The following SPTSSA variants were observed in gnomAD, a reference collection of about 807,000 sequenced individuals.
SPTSSA encodes small subunit of serine palmitoyltransferase A.
A neutral mutation model predicts 9.1 loss-of-function variants in SPTSSA; 8 were observed. The observed-to-expected ratio is 0.88, with a 90% CI of 0.51 to 1.58. The LOEUF (loss-of-function observed/expected upper bound fraction) is 1.58. Among genes scored for constraint, SPTSSA ranks in the 40% most tolerant of loss-of-function variants. The pLI is 0.00. For missense variants in SPTSSA, 100 were observed against 93.8 expected, an observed-to-expected ratio of 1.07 and a Z score of -0.27; for synonymous variants, 42 against 37.7, an observed-to-expected ratio of 1.11 and a Z score of -0.41.
Position 34,434,389 on chromosome 14 carries a change from T to C in SPTSSA, c.*812A>G, listed in dbSNP as rs1391932636. ...AATCATTAAACTAAATTTAAGGAAG[T>C]ACATTGTTAATAGTGACCCTCGGAG... On this transcript the variant is annotated 3_prime_UTR_variant, in exon 2 of 2. Transcript: ENST00000298130. 6.6e-6 allele frequency: 1 copy of C among 152,670 alleles called. No individual in the cohort carries two copies. The highest frequency in any genetic ancestry group is 1.5e-5 in the Non-Finnish European group (1 of 68,040). The allele number at this position is 152,670 out of a possible 1,614,324, so 9.5% of individuals were successfully genotyped here. A position where few individuals can be genotyped will look rare whatever the true frequency, so the allele number is the denominator to read the frequency against.
At chr14:34,439,242 C>G (rs2383633) in intron 1 of SPTSSA, among the ~76,000 whole-genome samples, 37,655 of 151,984 alleles carry the variant, frequency 0.25, 6,972 homozygotes, top group African/African-American at 0.53. Context: ...ATCCACCTAA[C>G]CAAGAAGGCT....
intron 1 of SPTSSA, among the ~76,000 whole-genome samples, chr14:34,441,969 G>T (rs554781611): frequency 1.4e-4 from 21 of 151,992 alleles, no homozygotes; most frequent in African/African-American, 4.1e-4. Context: ...TCCGCCTCCC[G>T]GGTTCAAGCA....
intron 1 of SPTSSA, among the ~76,000 whole-genome samples, chr14:34,449,018 T>A (rs531069154): frequency 2.6e-4 from 39 of 152,068 alleles, no homozygotes; most frequent in Non-Finnish European, 4.0e-4. Context: ...AAAAGTTTTT[T>A]AAAAAATAAT....
Position 34,434,216 on chromosome 14 carries a change from T to G in SPTSSA, c.*985A>C, listed in dbSNP as rs1278434372. ...TTTACATCAAAAAATTAGGTAGTCA[T>G]TTTACATTTAAGGAATAAAAACCTT... On this transcript the variant is annotated 3_prime_UTR_variant, in exon 2 of 2. Coordinates refer to ENST00000298130, the MANE Select transcript of SPTSSA (RefSeq NM_138288.4). 6.6e-6 allele frequency: 1 copy of G among 152,470 alleles called. No individual in the cohort carries two copies. The highest frequency in any genetic ancestry group is 1.5e-5 in the Non-Finnish European group (1 of 68,036). 9.4% of individuals were successfully genotyped at this position (152,470 alleles called of 1,614,324 possible). A position where few individuals can be genotyped will look rare whatever the true frequency, so the allele number is the denominator to read the frequency against.
rs1341036728 is a variant in SPTSSA at position 34,434,467 on chromosome 14, TA to T, written c.*733del. On this transcript the variant is annotated 3_prime_UTR_variant, in exon 2 of 2. Coordinates refer to ENST00000298130, the MANE Select transcript of SPTSSA (RefSeq NM_138288.4). Reference sequence around the variant, plus strand: ...TCTATGGTATATAAGCATTACATAATAATGCTACTTAACCACCTTTTGTCTC... The same window carrying T: ...TCTATGGTATATAAGCATTACATAATATGCTACTTAACCACCTTTTGTCTC... 6.6e-6 allele frequency: 1 copy of T among 152,656 alleles called. No individual in the cohort carries two copies. Among genetic ancestry groups the T allele is most frequent in the African/African-American group, 2.4e-5 (1 of 41,470 alleles). The allele number at this position is 152,656 out of a possible 1,614,324, so 9.5% of individuals were successfully genotyped here.
rs568304836 is a variant in SPTSSA, at chr14:34,434,908, C to T, written c.*293G>A. The T allele has an allele frequency of 2.3e-4, 45 of 194,428 alleles. No individual in the cohort carries two copies. Among genetic ancestry groups the T allele is most frequent in the African/African-American group, 4.0e-4 (17 of 43,002 alleles). The allele number at this position is 194,428 out of a possible 1,614,324, so 12.0% of individuals were successfully genotyped here. Reference sequence around the variant, plus strand: ...AAAGTTACATTAAGAAAAGCTTTCACGGGGGTAATATTGAAACAGTCACAA... The same window carrying T: ...AAAGTTACATTAAGAAAAGCTTTCATGGGGGTAATATTGAAACAGTCACAA... On this transcript the variant is annotated 3_prime_UTR_variant, in exon 2 of 2. Transcript: ENST00000298130.
intron 1 of SPTSSA, among the ~76,000 whole-genome samples, chr14:34,448,080 T>C (rs143180441): frequency 0.011 from 1,655 of 151,866 alleles, 33 homozygotes; most frequent in African/African-American, 0.038. Context: ...CATGGTGAAA[T>C]CCCATCTCTA....
chr14:34,434,983 T>TA lies in SPTSSA; in HGVS notation c.*217dup, dbSNP rs1421953182. On this transcript the variant is annotated 3_prime_UTR_variant, in exon 2 of 2. Coordinates refer to ENST00000298130, the MANE Select transcript of SPTSSA (RefSeq NM_138288.4). ...AGTACAAATGACTACAATGTTAAAA[T>TA]AGACAAAAACTGCTATACAAGAGCC... 7.6e-5 allele frequency: 26 copies of TA among 342,126 alleles called. No homozygotes were observed. In the Admixed American group the frequency reaches 8.7e-4, roughly 11 times the overall value. The allele number at this position is 342,126 out of a possible 1,614,324, so 21.2% of individuals were successfully genotyped here.
Position 34,443,199 on chromosome 14 carries a change from GTGTGT to G in SPTSSA, c.113-7900_113-7896del, listed in dbSNP as rs1207271710. Among the ~76,000 whole-genome samples, 54 of 11,680 alleles carry G rather than the reference GTGTGT, an allele frequency of 4.6e-3. 2 individuals are homozygous for G. The African/African-American group carries it at 0.056, about 12-fold the overall frequency. 7.7% of individuals were successfully genotyped at this position (11,680 alleles called of 152,430 possible). A position where few individuals can be genotyped will look rare whatever the true frequency, so the allele number is the denominator to read the frequency against. On this transcript the variant is annotated intron_variant, in intron 1 of 1. Transcript: ENST00000298130. ...TTGAGATTGAGTTTTCCTCTAGGGG[GTGTGT>G]GTGTGTGTGTGTGTGTGTGTGTGTG... is the stretch of plus-strand genomic sequence containing the variant.
chr14:34,459,049 G>A (rs1008696799), intron 1 of SPTSSA, among the ~76,000 whole-genome samples: 8 of 151,742 alleles, frequency 5.3e-5, no homozygotes, highest in South Asian at 2.1e-4. Context: ...GATTTCAGGC[G>A]TCCACCACCA....
chr14:34,462,090 G>T lies in SPTSSA; in HGVS notation c.112+6C>A. ...GGCCCCCGCGCGCGCGGCCGGGACA[G>T]GATACTGAACACCGTCCGCTCCCAG... is the stretch of plus-strand genomic sequence containing the variant. On this transcript the variant is annotated splice_donor_region_variant and intron_variant, in intron 1 of 1. Coordinates refer to ENST00000298130, the MANE Select transcript of SPTSSA (RefSeq NM_138288.4). 6.7e-7 allele frequency: 1 copy of T among 1,486,154 alleles called. No individual in the cohort carries two copies. Among genetic ancestry groups the T allele is most frequent in the Non-Finnish European group, 9.0e-7 (1 of 1,109,426 alleles). 92.1% of individuals were successfully genotyped at this position (1,486,154 alleles called of 1,614,324 possible). A position where few individuals can be genotyped will look rare whatever the true frequency, so the allele number is the denominator to read the frequency against.
At chr14:34,458,637 C>T (rs1306438849) in intron 1 of SPTSSA, among the ~76,000 whole-genome samples, 2 of 142,808 alleles carry the variant, frequency 1.4e-5, no homozygotes, top group Non-Finnish European at 3.0e-5. Context: ...GCTGGGACTA[C>T]AGTCGTGCGC....
At chr14:34,436,759 C>T (rs1455197913) in intron 1 of SPTSSA, among the ~76,000 whole-genome samples, 2 of 152,138 alleles carry the variant, frequency 1.3e-5, no homozygotes, top group Non-Finnish European at 2.9e-5. Flanking sequence ...ATACAGGAAG[C>T]TGTCTTTAGA....
Position 34,435,104 on chromosome 14 carries a change from G to A in SPTSSA, c.*97C>T, listed in dbSNP as rs1020063082. Reference sequence around the variant, plus strand: ...TAGTCTTTATAAGGTTGGTTATGTTGACATCTAGAAGAGTTTCTTATCACA... The same window carrying A: ...TAGTCTTTATAAGGTTGGTTATGTTAACATCTAGAAGAGTTTCTTATCACA... On this transcript the variant is annotated 3_prime_UTR_variant, in exon 2 of 2. Coordinates refer to ENST00000298130, the MANE Select transcript of SPTSSA (RefSeq NM_138288.4). 10 of 826,534 alleles carry A rather than the reference G, an allele frequency of 1.2e-5. No homozygotes were observed. Among genetic ancestry groups the A allele is most frequent in the African/African-American group, 3.4e-5 (2 of 58,396 alleles). The allele number at this position is 826,534 out of a possible 1,614,324, so 51.2% of individuals were successfully genotyped here.
intron 1 of SPTSSA, among the ~76,000 whole-genome samples, chr14:34,456,777 T>C (rs1281227168): frequency 6.6e-6 from 1 of 151,008 alleles, no homozygotes; most frequent in Non-Finnish European, 1.5e-5. Flanking sequence ...CACACACCTG[T>C]AGTCCCAGCT....
intron 1 of SPTSSA, among the ~76,000 whole-genome samples, chr14:34,446,708 A>C (rs1165043995): frequency 1.3e-5 from 2 of 152,218 alleles, no homozygotes; most frequent in Non-Finnish European, 2.9e-5. Context: ...AAAGTGAAAG[A>C]AGCAATGATT....
Position 34,434,959 on chromosome 14 carries a change from G to C in SPTSSA, c.*242C>G. 1 of 287,520 alleles carries C rather than the reference G, an allele frequency of 3.5e-6. No individual in the cohort carries two copies. The highest frequency in any genetic ancestry group is 6.5e-6 in the Non-Finnish European group (1 of 154,896). The allele number at this position is 287,520 out of a possible 1,614,324, so 17.8% of individuals were successfully genotyped here. A position where few individuals can be genotyped will look rare whatever the true frequency, so the allele number is the denominator to read the frequency against. On this transcript the variant is annotated 3_prime_UTR_variant, in exon 2 of 2. Coordinates refer to ENST00000298130, the MANE Select transcript of SPTSSA (RefSeq NM_138288.4). ...AGGTTAAGAAAATACTGATATCAAAGTACAAATGACTACAATGTTAAAATA... is the reference window on the plus strand; with the variant it reads ...AGGTTAAGAAAATACTGATATCAAACTACAAATGACTACAATGTTAAAATA...
At chr14:34,451,616 C>T (rs372282497) in intron 1 of SPTSSA, among the ~76,000 whole-genome samples, 2 of 150,270 alleles carry the variant, frequency 1.3e-5, no homozygotes, top group African/African-American at 4.9e-5. Flanking sequence ...CCAGCTACTC[C>T]GGAGGCTGAG....
chr14:34,438,174 A>G (rs1213851177), intron 1 of SPTSSA, among the ~76,000 whole-genome samples: 1 of 152,178 alleles, frequency 6.6e-6, no homozygotes, highest in Non-Finnish European at 1.5e-5. Flanking sequence ...TCCAGATGAT[A>G]AAATGGAATT....
Sources: gnomAD v4.1 joint callset for allele counts (sites outside exome capture counted in the v4.1 genomes callset) on GRCh38, gnomAD v4.1.1 for gene constraint, MANE v1.5 for transcripts, NCBI Gene and HGNC (gene_info 2026-07-23, HGNC 2026-07-21) for gene names.